The following SHANK1 variants were observed in gnomAD, a reference collection of about 807,000 sequenced individuals.
SHANK1 encodes the protein SH3 and multiple ankyrin repeat domains 1.
A neutral mutation model predicts 165.6 loss-of-function variants in SHANK1; 35 were observed. The ratio of observed to expected loss-of-function variants is 0.21; its 90% CI spans 0.16 to 0.28. The LOEUF (loss-of-function observed/expected upper bound fraction) is 0.28. Ranked by LOEUF, SHANK1 falls within the 10% of genes least tolerant of loss-of-function variation. The probability of loss-of-function intolerance (pLI) is 1.00; values close to 1 mark genes in which losing one functional copy is unlikely to be tolerated. For synonymous variants in SHANK1, 1,428 were observed against 1,384.8 expected (o/e 1.03, Z -0.69); for missense variants, 2,681 against 3,036.4 (o/e 0.88, Z 2.75).
intron 8 of SHANK1, among the ~76,000 whole-genome samples, chr19:50,709,437 G>T (rs10418064): frequency 0.012 from 1,866 of 152,226 alleles, 33 homozygotes; most frequent in African/African-American, 0.039. Flanking sequence ...CACTGCGCCC[G>T]GCCTGCATGG....
rs764425635 is a variant in SHANK1 at position 50,703,671 on chromosome 19, G to A, written c.1382C>T (p.Ala461Val). 6.7e-7 allele frequency: 1 copy of A among 1,486,206 alleles called. No individual in the cohort carries two copies. The highest frequency in any genetic ancestry group is 1.3e-5 in the South Asian group (1 of 76,516). 92.1% of individuals were successfully genotyped at this position (1,486,206 alleles called of 1,614,324 possible). Residue 461 changes from alanine to valine, a missense_variant, in exon 11 of 24, where the codon GCC becomes GTC. Coordinates refer to ENST00000293441, the MANE Select transcript of SHANK1 (RefSeq NM_016148.5). Reference sequence around the variant, plus strand: ...CTGGGACCCTGAGGTAGGGCCAGGGGCCCCAGAGGACGCGGCCCCCGGGGC... The same window carrying A: ...CTGGGACCCTGAGGTAGGGCCAGGGACCCCAGAGGACGCGGCCCCCGGGGC... ...FSAPGAASSG[A>V]PGPTSGSQGQ...
intron 16 of SHANK1, 104 bp downstream of exon 16, chr19:50,689,093 G>A (rs1435381109): frequency 3.5e-6 from 4 of 1,131,546 alleles, no homozygotes; most frequent in Non-Finnish European, 5.3e-6. Flanking sequence ...CCGGGGTGGG[G>A]TGGTGGGCGG....
At chr19:50,712,264 C>A (rs554515614) in intron 6 of SHANK1, 150 bp from the exon 7 acceptor site, 309 of 788,018 alleles carry the variant, frequency 3.9e-4, no homozygotes, top group Admixed American at 1.3e-3. Context: ...CCTTGTGCAA[C>A]CTTGAGCCTG....
At chr19:50,663,762 GAA>G (rs66511954) in intron 23 of SHANK1, among the ~76,000 whole-genome samples, 56,452 of 147,678 alleles carry the variant, frequency 0.38, 11,102 homozygotes, top group Non-Finnish European at 0.43. Flanking sequence ...AAAAAGAAAA[GAA>G]AAAAAAAATC....
At chr19:50,682,204 C>T (rs1206872177) in intron 21 of SHANK1, among the ~76,000 whole-genome samples, 2 of 152,028 alleles carry the variant, frequency 1.3e-5, no homozygotes, top group South Asian at 2.1e-4. Context: ...CACAGGTGCA[C>T]ACCACCACGC....
chr19:50,703,211 A>C (rs1599866280), intron 11 of SHANK1, among the ~76,000 whole-genome samples: 1 of 131,268 alleles, frequency 7.6e-6, no homozygotes, highest in Non-Finnish European at 1.6e-5. Context: ...GCTTCCCTCC[A>C]CCTCACCCTG....
intron 15 of SHANK1, 126 bp downstream of exon 15, chr19:50,696,970 C>A: frequency 2.5e-6 from 2 of 800,576 alleles, no homozygotes; most frequent in Non-Finnish European, 2.2e-6. Flanking sequence ...TCATGCACAC[C>A]TACAGAGACA....
At chr19:50,663,940 C>CTTTTTTTT (rs3087079) in intron 23 of SHANK1, among the ~76,000 whole-genome samples, 2 of 108,904 alleles carry the variant, frequency 1.8e-5, no homozygotes, top group Admixed American at 1.1e-4. Flanking sequence ...CTCTCTCTCT[C>CTTTTTTTT]TTTTTTTTTT....
In SHANK1 at chr19:50,712,095, C is replaced by T; in HGVS notation, c.812G>A (p.Gly271Asp). The T allele has an allele frequency of 6.2e-7, 1 of 1,602,694 alleles. No homozygotes were observed. The highest frequency in any genetic ancestry group is 8.5e-7 in the Non-Finnish European group (1 of 1,174,876). The stretch of plus-strand genomic sequence containing the variant: ...CCGACGGTCCTTGTAGTTGGGGGAA[C>T]CCCCAAGGTCCAGGAGCGCCTAGGA... ...LALTALLDLGGSPNYKDRRGL... is the reference protein window; with the variant it reads ...LALTALLDLGDSPNYKDRRGL... The change falls in exon 7 of 24, where the codon GGT (glycine) becomes GAT (aspartate). Residue 271 changes from glycine to aspartate, a missense_variant. Physicochemically the swap from Gly to Asp is moderately conservative, Grantham distance 94. Coordinates refer to ENST00000293441, the MANE Select transcript of SHANK1 (RefSeq NM_016148.5).
Position 50,713,954 on chromosome 19 carries a change from A to C in SHANK1, c.641-5T>G, listed in dbSNP as rs766772613. 6.2e-7 allele frequency: 1 copy of C among 1,613,578 alleles called. No homozygotes were observed. The highest frequency in any genetic ancestry group is 8.5e-7 in the Non-Finnish European group (1 of 1,179,722). The stretch of plus-strand genomic sequence containing the variant: ...CCGCCAGTGTCAAGGGGGTCTCTGA[A>C]GGGCGGGAAAAGCTGGTCACATGAA... On this transcript the variant is annotated splice_region_variant and splice_polypyrimidine_tract_variant and intron_variant, in intron 5 of 23. Transcript: ENST00000293441. This position sits in a 1 kb window ranked among gnomAD's most constrained non-coding sequence, Gnocchi z 6.2.
intron 23 of SHANK1, among the ~76,000 whole-genome samples, chr19:50,664,504 C>T (rs1985402809): frequency 6.6e-6 from 1 of 152,212 alleles, no homozygotes; most frequent in African/African-American, 2.4e-5. Flanking sequence ...CTCTCAAAAA[C>T]TCTTTGGGCT....
intron 16 of SHANK1, 82 bp from the exon 17 acceptor site, chr19:50,689,050 C>G (rs991871250): frequency 1.7e-6 from 2 of 1,167,138 alleles, no homozygotes. Context: ...ACCCAAGTCA[C>G]GGAGGCCTCA....
At position 50,666,508 on chromosome 19, in the gene SHANK1, C is replaced by A; in HGVS notation, c.5452G>T (p.Val1818Leu). ...TAGVAGGPVA[V>L]EPEVPPVPLP... is the part of the protein sequence containing the mutation. Reference sequence around the variant, plus strand: ...GGCACCGGTGGGACTTCTGGCTCTACAGCCACCGGACCCCCCGCCACGCCT... The same window carrying A: ...GGCACCGGTGGGACTTCTGGCTCTAAAGCCACCGGACCCCCCGCCACGCCT... The change falls in exon 23 of 24, where the codon GTA becomes TTA. Residue 1818 changes from valine to leucine, a missense_variant. Physicochemically the swap from Val to Leu is conservative, Grantham distance 32 (BLOSUM62 1). Around this residue, in one of 10 missense-constraint regions of SHANK1, gnomAD observed 1,713 missense variants for 1,630.2 expected, o/e 1.05. Transcript: ENST00000293441. 6.3e-7 allele frequency: 1 copy of A among 1,587,582 alleles called. No individual in the cohort carries two copies. Among genetic ancestry groups the A allele is most frequent in the Middle Eastern group, 1.7e-4 (1 of 5,858 alleles).
chr19:50,694,936 C>T (rs1986683174), intron 15 of SHANK1, among the ~76,000 whole-genome samples: 1 of 150,926 alleles, frequency 6.6e-6, no homozygotes, highest in African/African-American at 2.4e-5. Context: ...CCGCCGGGGC[C>T]CCAGGGCTGG....
In SHANK1 at chr19:50,716,523, G is replaced by T; in HGVS notation, c.256-45C>A. 6.2e-7 allele frequency: 1 copy of T among 1,605,748 alleles called. No individual in the cohort carries two copies. Among genetic ancestry groups the T allele is most frequent in the Non-Finnish European group, 8.5e-7 (1 of 1,174,252 alleles). ...GGGCTAGGGTGGGCCAGGGGCCAGA[G>T]GAGAGCCTGAGGTGGGTTGGGAAGT... On this transcript the variant is annotated intron_variant, in intron 2 of 23. Coordinates refer to ENST00000293441, the MANE Select transcript of SHANK1 (RefSeq NM_016148.5). This position sits in a 1 kb window ranked among gnomAD's most constrained non-coding sequence, Gnocchi z 8.4.
intron 21 of SHANK1, among the ~76,000 whole-genome samples, chr19:50,679,823 G>A (rs1294285575): frequency 6.6e-6 from 1 of 152,060 alleles, no homozygotes; most frequent in Non-Finnish European, 1.5e-5. Context: ...GACAGACGTA[G>A]AGAGACAGAA....
rs112223111 is a variant in SHANK1, at chr19:50,713,133, G to A, written c.792+665C>T. On this transcript the variant is annotated intron_variant, in intron 6 of 23. Transcript: ENST00000293441. This position sits in a 1 kb window ranked among gnomAD's most constrained non-coding sequence, Gnocchi z 6.2. ...GGCCGTTTAGCTGGAGCAGCTGTGC[G>A]TCGGGGTGCTTCTCAATGGCTGTCT... is the stretch of plus-strand genomic sequence containing the variant. Among the ~76,000 whole-genome samples the A allele has an allele frequency of 2.2e-4, 33 of 152,286 alleles. No homozygotes were observed. The highest frequency in any genetic ancestry group is 5.2e-4 in the Admixed American group (8 of 15,290).
Position 50,661,773 on chromosome 19 carries a change from C to T in SHANK1, c.*192G>A, listed in dbSNP as rs1212741974. On this transcript the variant is annotated 3_prime_UTR_variant, in exon 24 of 24. Transcript: ENST00000293441. ...CACACACACTCTTGTGTCAGCTGCC[C>T]CCCTTCAGTGAGGTGCAAATGTCCG... The T allele has an allele frequency of 8.2e-6, 5 of 612,922 alleles. 1 individual carries two copies. Among genetic ancestry groups the T allele is most frequent in the South Asian group, 1.9e-5 (1 of 51,430 alleles). 38.0% of individuals were successfully genotyped at this position (612,922 alleles called of 1,614,324 possible).
chr19:50,685,654 G>T (rs1285791655), intron 21 of SHANK1, among the ~76,000 whole-genome samples: 1 of 152,160 alleles, frequency 6.6e-6, no homozygotes, highest in African/African-American at 2.4e-5. Flanking sequence ...AACCCGGGGG[G>T]CAGAGGTTGC....
Sources: gnomAD v4.1 joint callset for allele counts (sites outside exome capture counted in the v4.1 genomes callset) on GRCh38, gnomAD v4.1.1 for gene constraint, gnomAD v4.1.1 regional missense constraint, Gnocchi (gnomAD v3.1) non-coding constraint, MANE v1.5 for transcripts, NCBI Gene and HGNC (gene_info 2026-07-23, HGNC 2026-07-21) for gene names.